Variants in MAX observed in about 807,000 individuals in gnomAD.
The protein encoded by MAX is MYC associated transcriptional regulator X, also known as protein max.
MAX carries 3 observed loss-of-function variants against 22.3 expected under a neutral mutation model. The ratio of observed to expected loss-of-function variants is 0.13; its 90% CI spans 0.06 to 0.35. MAX has a LOEUF of 0.35. Among genes scored for constraint, MAX ranks in the 10% least tolerant of loss-of-function variants. The pLI is 1.00. For synonymous variants in MAX, 72 were observed against 77.7 expected, an observed-to-expected ratio of 0.93 and a Z score of 0.39; for missense variants, 119 against 209.4, an observed-to-expected ratio of 0.57 and a Z score of 2.66.
intron 2 of MAX, among the ~76,000 whole-genome samples, chr14:65,095,030 T>A (rs2763887): frequency 6.6e-6 from 1 of 152,252 alleles, no homozygotes; most frequent in South Asian, 2.1e-4. Context: ...TGCCTCACAT[T>A]AATCCTTGTA....
Position 65,076,710 on chromosome 14 carries a change from G to A in MAX, c.296-47C>T. ...GTGTTACTGCCTTCTGGAGACTTGG[G>A]GAGTAACCGAGTCTCAGACTCAGGG... On this transcript the variant is annotated intron_variant, in intron 4 of 4. Coordinates refer to ENST00000358664, the MANE Select transcript of MAX (RefSeq NM_002382.5). The surrounding 1 kb of genome is among the most constrained non-coding windows in gnomAD (Gnocchi z 6.6). The A allele has an allele frequency of 6.2e-7, 1 of 1,610,498 alleles. No individual in the cohort carries two copies. The highest frequency in any genetic ancestry group is 8.5e-7 in the Non-Finnish European group (1 of 1,176,774).
At chr14:65,089,232 T>G (rs2063429157) in intron 3 of MAX, among the ~76,000 whole-genome samples, 1 of 152,162 alleles carries the variant, frequency 6.6e-6, no homozygotes, top group Non-Finnish European at 1.5e-5. Context: ...TCCACCACAA[T>G]TTACTAACTG....
chr14:65,061,369 A>G, intron 3 of MAX: 1 of 1,607,288 alleles, frequency 6.2e-7, no homozygotes, highest in Non-Finnish European at 8.5e-7. Context: ...GACAAGGTTT[A>G]TACGTTTCAA....
chr14:65,013,310 A>T (rs1019858830), intron 3 of MAX, among the ~76,000 whole-genome samples: 2 of 143,038 alleles, frequency 1.4e-5, no homozygotes, highest in East Asian at 4.1e-4. Flanking sequence ...AGGGTTGCCA[A>T]ATCATCTTTG....
At chr14:65,046,597 A>C (rs1477858350) in intron 3 of MAX, among the ~76,000 whole-genome samples, 1 of 152,208 alleles carries the variant, frequency 6.6e-6, no homozygotes, top group African/African-American at 2.4e-5. Context: ...GGCTGGGAGA[A>C]GGCCTGTGTT....
chr14:65,010,054 C>T (rs2061659961), intron 3 of MAX, among the ~76,000 whole-genome samples: 2 of 152,264 alleles, frequency 1.3e-5, no homozygotes, highest in Admixed American at 1.3e-4. Flanking sequence ...TTGCCTTCAC[C>T]TCTGCTCTGA....
At chr14:65,022,665 C>T (rs2061910563) in intron 3 of MAX, among the ~76,000 whole-genome samples, 1 of 151,328 alleles carries the variant, frequency 6.6e-6, no homozygotes, top group Non-Finnish European at 1.5e-5. Context: ...CCACACCCAG[C>T]CAAATACTTA....
chr14:65,068,583 T>C (rs77739088), intron 3 of MAX, among the ~76,000 whole-genome samples: 7,958 of 152,276 alleles, frequency 0.052, 416 homozygotes, highest in African/African-American at 0.13. Flanking sequence ...TTATACTTCA[T>C]ATTATGTTCC....
chr14:65,058,809 G>A (rs912876650), intron 3 of MAX, among the ~76,000 whole-genome samples: 3 of 152,162 alleles, frequency 2.0e-5, no homozygotes, highest in African/African-American at 7.2e-5. Flanking sequence ...AGTAGAGGCA[G>A]TGTGTCTGTG....
intron 3 of MAX, among the ~76,000 whole-genome samples, chr14:65,025,271 A>G (rs1017254485): frequency 1.3e-5 from 2 of 152,164 alleles, no homozygotes; most frequent in Admixed American, 1.3e-4. Flanking sequence ...GCACGATTCT[A>G]TCTTAGGAGC....
chr14:65,075,213 A>G lies in MAX; in HGVS notation c.*1263T>C, dbSNP rs2063027283. The G allele has an allele frequency of 9.5e-7, 1 of 1,050,714 alleles. No homozygotes were observed. Among genetic ancestry groups the G allele is most frequent in the Non-Finnish European group, 1.1e-6 (1 of 870,110 alleles). The allele number at this position is 1,050,714 out of a possible 1,614,324, so 65.1% of individuals were successfully genotyped here. ...ACAATTCTTCGGCAGTATGTACAAC[A>G]TACTTTTTATTTCCATGGAATGGAA... On this transcript the variant is annotated 3_prime_UTR_variant, in exon 5 of 5. Coordinates refer to ENST00000358664, the MANE Select transcript of MAX (RefSeq NM_002382.5). The surrounding 1 kb of genome is among the most constrained non-coding windows in gnomAD (Gnocchi z 4.1).
At chr14:65,035,628 C>G in intron 3 of MAX, among the ~76,000 whole-genome samples, 1 of 152,206 alleles carries the variant, frequency 6.6e-6, no homozygotes. Context: ...CTCCTGGGCT[C>G]AAGCAATCCT....
At position 65,076,866 on chromosome 14, in the gene MAX, G is replaced by C. The variant is rs2063071886; in HGVS notation, c.296-203C>G. 1.5e-6 allele frequency: 1 copy of C among 656,190 alleles called. No individual in the cohort carries two copies. The highest frequency in any genetic ancestry group is 2.8e-6 in the Non-Finnish European group (1 of 363,200). 40.6% of individuals were successfully genotyped at this position (656,190 alleles called of 1,614,324 possible). A position where few individuals can be genotyped will look rare whatever the true frequency, so the allele number is the denominator to read the frequency against. ...CCGCCTTTCCCAGCTGGACCTGGGA[G>C]CCAGCAGACACTCTGCAATCCCACC... On this transcript the variant is annotated intron_variant, in intron 4 of 4. Transcript: ENST00000358664. The surrounding 1 kb of genome is among the most constrained non-coding windows in gnomAD (Gnocchi z 6.6).
intron 2 of MAX, among the ~76,000 whole-genome samples, chr14:65,097,737 A>G (rs144332782): frequency 5.1e-4 from 78 of 152,370 alleles, no homozygotes; most frequent in African/African-American, 1.8e-3. Flanking sequence ...CTTCTGATAG[A>G]TAAGAACAAG....
chr14:65,057,818 C>T lies in MAX; in HGVS notation c.171+35890G>A, dbSNP rs535931393. On this transcript the variant is annotated intron_variant, in intron 3 of 3. Transcript: ENST00000341653. ...CCATTTACTGAAGTCTACAACCTTT[C>T]CTGCTGATGTGTATCTCATGTGTAC... 1.9e-4 allele frequency among the ~76,000 whole-genome samples: 29 copies of T among 152,310 alleles called. No homozygotes were observed. The East Asian group carries it at 5.0e-3, about 26-fold the overall frequency.
chr14:65,046,831 G>C (rs1018680320), intron 3 of MAX, among the ~76,000 whole-genome samples: 13 of 140,980 alleles, frequency 9.2e-5, no homozygotes, highest in African/African-American at 3.6e-4. Flanking sequence ...TATCTAGGAT[G>C]TGAAGTTACA....
chr14:65,101,144 T>A (rs1214331221), intron 2 of MAX, among the ~76,000 whole-genome samples: 4 of 152,234 alleles, frequency 2.6e-5, no homozygotes. Flanking sequence ...GGCTTCAGCT[T>A]CACACAATTA....
intron 3 of MAX, among the ~76,000 whole-genome samples, chr14:65,068,172 C>T (rs911446605): frequency 7.2e-5 from 11 of 152,090 alleles, no homozygotes; most frequent in African/African-American, 2.7e-4. Context: ...AGGTGGCTCA[C>T]GCCTGTAATC....
At position 65,044,132 on chromosome 14, in the gene MAX, C is replaced by T. The variant is rs936081188; in HGVS notation, c.172-37848G>A. Among the ~76,000 whole-genome samples, 8 of 152,162 alleles carry T rather than the reference C, an allele frequency of 5.3e-5. No homozygotes were observed. Among genetic ancestry groups the T allele is most frequent in the Non-Finnish European group, 1.0e-4 (7 of 68,042 alleles). ...CTACAGCGTTGGCTTAAATGCTTCA[C>T]TCTGTGTCTATGGCAGTGTGGGGAG... On this transcript the variant is annotated intron_variant, in intron 3 of 3. Transcript: ENST00000341653. The surrounding 1 kb of genome is among the most constrained non-coding windows in gnomAD (Gnocchi z 5.5).
Sources: gnomAD v4.1 joint callset for allele counts (sites outside exome capture counted in the v4.1 genomes callset) on GRCh38, gnomAD v4.1.1 for gene constraint, Gnocchi (gnomAD v3.1) non-coding constraint, MANE v1.5 for transcripts, NCBI Gene and HGNC (gene_info 2026-07-23, HGNC 2026-07-21) for gene names.